RPS6KA5: variants seen among roughly 807,000 people sequenced by gnomAD.
RPS6KA5 encodes the protein ribosomal protein S6 kinase alpha-5.
RPS6KA5 carries 27 observed loss-of-function variants against 85.5 expected under a neutral mutation model. The observed-to-expected ratio is 0.32, with a 90% CI of 0.23 to 0.44. The LOEUF (loss-of-function observed/expected upper bound fraction) is 0.44. Among genes scored for constraint, RPS6KA5 ranks in the 20% least tolerant of loss-of-function variants. The pLI is 1.00. For synonymous variants in RPS6KA5, 334 were observed against 348.2 expected, an observed-to-expected ratio of 0.96 and a Z score of 0.46; for missense variants, 811 against 980.9, an observed-to-expected ratio of 0.83 and a Z score of 2.31.
At chr14:91,038,099 G>A (rs762865471) in intron 1 of RPS6KA5, among the ~76,000 whole-genome samples, 3 of 152,114 alleles carry the variant, frequency 2.0e-5, no homozygotes, top group Admixed American at 6.5e-5. Context: ...TCCAAACAAG[G>A]AAAAGTTATT....
intron 2 of RPS6KA5, among the ~76,000 whole-genome samples, chr14:90,985,751 T>A (rs2040031405): frequency 6.6e-6 from 1 of 152,186 alleles, no homozygotes; most frequent in South Asian, 2.1e-4. Context: ...ACACTGACAA[T>A]CTATGACTAG....
intron 1 of RPS6KA5, among the ~76,000 whole-genome samples, chr14:91,026,110 G>A (rs181752419): frequency 5.3e-5 from 8 of 152,190 alleles, no homozygotes; most frequent in Admixed American, 3.3e-4. Flanking sequence ...ATTCTGTTCC[G>A]GAATTAAATT....
At chr14:90,947,586 C>T (rs2037939171) in intron 3 of RPS6KA5, 36 bp from the exon 4 acceptor site, 1 of 1,213,124 alleles carries the variant, frequency 8.2e-7, no homozygotes. Context: ...CTTAAACATG[C>T]ATTCATAAAT....
At chr14:90,957,341 C>T (rs1012570701) in intron 3 of RPS6KA5, among the ~76,000 whole-genome samples, 2 of 152,090 alleles carry the variant, frequency 1.3e-5, no homozygotes. Context: ...CTGGGATTAC[C>T]GTCATGAGCC....
At chr14:91,033,772 G>A (rs767959225) in intron 1 of RPS6KA5, among the ~76,000 whole-genome samples, 36 of 152,044 alleles carry the variant, frequency 2.4e-4, no homozygotes, top group Non-Finnish European at 4.7e-4. Context: ...TTAACTTGTA[G>A]GCATGTATCT....
intron 3 of RPS6KA5, among the ~76,000 whole-genome samples, chr14:90,975,622 A>G (rs1166479837): frequency 1.3e-5 from 2 of 152,236 alleles, no homozygotes; most frequent in Non-Finnish European, 2.9e-5. Context: ...TTGGACTTCC[A>G]GCCTCCAGTA....
At chr14:90,982,113 AC>A (rs1186329323) in intron 2 of RPS6KA5, among the ~76,000 whole-genome samples, 2 of 152,218 alleles carry the variant, frequency 1.3e-5, no homozygotes, top group Non-Finnish European at 2.9e-5. Context: ...TGAAACTGGA[AC>A]TGGTGGCAAT....
intron 5 of RPS6KA5, 62 bp from the exon 6 acceptor site, chr14:90,923,258 G>T: frequency 3.1e-6 from 4 of 1,295,582 alleles, no homozygotes; most frequent in Non-Finnish European, 4.5e-6. Context: ...GACAAAAGAA[G>T]AAAGTAATAC....
At chr14:91,051,089 C>T (rs181177005) in intron 1 of RPS6KA5, among the ~76,000 whole-genome samples, 129 of 151,522 alleles carry the variant, frequency 8.5e-4, no homozygotes, top group Admixed American at 6.7e-3. Context: ...ATAAGCTAAG[C>T]GTGGCGGTGT....
chr14:91,031,386 T>C (rs1455013737), intron 1 of RPS6KA5, among the ~76,000 whole-genome samples: 2 of 152,080 alleles, frequency 1.3e-5, no homozygotes, highest in Non-Finnish European at 2.9e-5. Context: ...GCCACAGATA[T>C]AATACTAAAA....
In RPS6KA5 at chr14:90,966,334, CA is replaced by C. The variant is rs535960538; in HGVS notation, c.394+11971del. Among the ~76,000 whole-genome samples, 307 of 152,208 alleles carry C rather than the reference CA, an allele frequency of 2.0e-3. 4 individuals are homozygous for C. The highest frequency in any genetic ancestry group is 7.1e-3 in the African/African-American group (296 of 41,526). ...GGGCTGCTAGAGAAGCAACATCCTC[CA>C]AAAACAGAAGGTTTTACTTTAGAGG... On this transcript the variant is annotated intron_variant, in intron 3 of 16. Coordinates refer to ENST00000614987, the MANE Select transcript of RPS6KA5 (RefSeq NM_004755.4).
intron 3 of RPS6KA5, among the ~76,000 whole-genome samples, chr14:90,951,456 C>A (rs573069093): frequency 6.6e-6 from 1 of 152,060 alleles, no homozygotes; most frequent in Non-Finnish European, 1.5e-5. Flanking sequence ...GCCTGGGCGA[C>A]AGAGTGAGAC....
chr14:90,900,482 T>C, intron 10 of RPS6KA5, 129 bp downstream of exon 10: 2 of 888,624 alleles, frequency 2.3e-6, no homozygotes, highest in Non-Finnish European at 3.2e-6. Flanking sequence ...CTAGGGAAAA[T>C]ATTGCTATAT....
intron 14 of RPS6KA5, among the ~76,000 whole-genome samples, chr14:90,880,469 C>T (rs2033763162): frequency 6.6e-6 from 1 of 152,224 alleles, no homozygotes; most frequent in African/African-American, 2.4e-5. Flanking sequence ...CTTTTCAAGG[C>T]TGAATAATAT....
intron 3 of RPS6KA5, among the ~76,000 whole-genome samples, chr14:90,948,899 T>C (rs2038024992): frequency 6.6e-6 from 1 of 152,208 alleles, no homozygotes; most frequent in Non-Finnish European, 1.5e-5. Context: ...AAGAATGAAA[T>C]TGTTCATGAA....
intron 14 of RPS6KA5, among the ~76,000 whole-genome samples, chr14:90,885,741 C>CAAAAAAAAAAAAAAAAAAAAAAA (rs11312699): frequency 3.6e-5 from 1 of 27,886 alleles, no homozygotes; most frequent in African/African-American, 1.8e-4. Context: ...GACTCCATCT[C>CAAAAAAAAAAAAAAAAAAAAAAA]AAAAAAAAAA....
chr14:90,904,231 A>T (rs1474339686), intron 8 of RPS6KA5, among the ~76,000 whole-genome samples: 1 of 152,208 alleles, frequency 6.6e-6, no homozygotes, highest in Non-Finnish European at 1.5e-5. Flanking sequence ...AAAGGTGTTA[A>T]GCCAAAAAGA....
At chr14:91,031,973 G>A (rs933247477) in intron 1 of RPS6KA5, among the ~76,000 whole-genome samples, 18 of 152,188 alleles carry the variant, frequency 1.2e-4, no homozygotes, top group African/African-American at 3.9e-4. Flanking sequence ...TATATGGATC[G>A]TTTTAATAAA....
chr14:90,954,296 T>C (rs2038388183), intron 3 of RPS6KA5, among the ~76,000 whole-genome samples: 1 of 152,242 alleles, frequency 6.6e-6, no homozygotes, highest in African/African-American at 2.4e-5. Flanking sequence ...CTTTCTCCTC[T>C]ATGTTTTGGA....
Sources: gnomAD v4.1 joint callset for allele counts (sites outside exome capture counted in the v4.1 genomes callset) on GRCh38, gnomAD v4.1.1 for gene constraint, MANE v1.5 for transcripts, NCBI Gene and HGNC (gene_info 2026-07-23, HGNC 2026-07-21) for gene names.